The following GFOD2 variants were observed in gnomAD, a reference collection of about 807,000 sequenced individuals.
GFOD2 encodes Gfo/Idh/MocA-like oxidoreductase domain containing 2.
In GFOD2, 9 loss-of-function variants were observed where a neutral mutation model predicts 24.6. The ratio of observed to expected loss-of-function variants is 0.37; its 90% CI spans 0.22 to 0.64. GFOD2 has a LOEUF of 0.64. Ranked by LOEUF, GFOD2 falls within the 30% of genes least tolerant of loss-of-function variation. The pLI is 0.65. For missense variants in GFOD2, 476 were observed against 532.5 expected (o/e 0.89, Z 1.04); for synonymous variants, 211 against 224.8 (o/e 0.94, Z 0.55).
Position 67,675,187 on chromosome 16 carries a change from G to T in GFOD2, c.1126C>A (p.Leu376Met). ...TTGTTCCGCTGAAGTGCCTCACACA[G>T]GTTCTGGTTGGTGTCGGGCTCCTCC... is the stretch of plus-strand genomic sequence containing the variant. ...LTEEPDTNQN[L>M]CEALQRNNL Residue 376 changes from leucine to methionine, a missense_variant, in exon 3 of 3, where the codon CTG becomes ATG. Leu to Met is a conservative substitution (Grantham distance 15, BLOSUM62 2). Transcript: ENST00000268797. 4 of 1,613,926 alleles carry T rather than the reference G, an allele frequency of 2.5e-6. No individual in the cohort carries two copies. The highest frequency in any genetic ancestry group is 3.4e-6 in the Non-Finnish European group (4 of 1,179,958).
intron 1 of GFOD2, among the ~76,000 whole-genome samples, chr16:67,702,412 T>TGCAGTGA (rs1403837484): frequency 1.3e-5 from 2 of 151,570 alleles, no homozygotes; most frequent in Non-Finnish European, 2.9e-5. Flanking sequence ...AGGCAGAGGT[T>TGCAGTGA]GCAGTGAACA....
intron 1 of GFOD2, among the ~76,000 whole-genome samples, chr16:67,690,389 T>C (rs896505392): frequency 1.3e-5 from 2 of 151,244 alleles, no homozygotes; most frequent in African/African-American, 4.8e-5. Context: ...GAGGTGACCA[T>C]TATTCACTAT....
chr16:67,710,151 G>A (rs1361329104), intron 1 of GFOD2, among the ~76,000 whole-genome samples: 1 of 151,522 alleles, frequency 6.6e-6, no homozygotes, highest in Non-Finnish European at 1.5e-5. Flanking sequence ...TTAGAGACAG[G>A]GTCTTGCTCT....
intron 2 of GFOD2, chr16:67,682,815 T>C: frequency 1.0e-6 from 1 of 985,444 alleles, no homozygotes; most frequent in South Asian, 4.7e-5. Context: ...CATTCCTTAA[T>C]GCTCCTGGGC....
chr16:67,685,434 C>G (rs1241660963), intron 2 of GFOD2, 23 bp downstream of exon 2: 17 of 1,613,934 alleles, frequency 1.1e-5, no homozygotes, highest in Non-Finnish European at 1.4e-5. Context: ...TGATCTGCCC[C>G]TGCTGTGGCC....
At chr16:67,687,959 T>C (rs1429195899) in intron 1 of GFOD2, among the ~76,000 whole-genome samples, 1 of 152,070 alleles carries the variant, frequency 6.6e-6, no homozygotes, top group Non-Finnish European at 1.5e-5. Flanking sequence ...GCCTGGGCAA[T>C]AGAGTGAGAC....
chr16:67,680,909 T>G, intron 2 of GFOD2: 1 of 985,460 alleles, frequency 1.0e-6, no homozygotes, highest in South Asian at 4.7e-5. Context: ...TAAAAGAAGC[T>G]TTACAACAGG....
At chr16:67,714,378 C>G (rs1237680712) in intron 1 of GFOD2, among the ~76,000 whole-genome samples, 1 of 150,568 alleles carries the variant, frequency 6.6e-6, no homozygotes, top group Non-Finnish European at 1.5e-5. Context: ...ACTCGGGAGG[C>G]TGAGGCACAA....
At position 67,675,922 on chromosome 16, in the gene GFOD2, C is replaced by G. The variant is rs766991070; in HGVS notation, c.391G>C (p.Val131Leu). Residue 131 changes from valine (V) to leucine (L), a missense_variant, in exon 3 of 3, where the codon GTG (valine) becomes CTG (leucine). Coordinates refer to ENST00000268797, the MANE Select transcript of GFOD2 (RefSeq NM_030819.4). ...GNVLRFLPAF[V>L]RMKQLISEHY... ...TCCGAAATCAGCTGTTTCATGCGCA[C>G]GAAGGCAGGCAGGAAGCGCAGCACG... 1 of 1,614,212 alleles carries G rather than the reference C, an allele frequency of 6.2e-7. No individual in the cohort carries two copies. The highest frequency in any genetic ancestry group is 1.7e-5 in the Admixed American group (1 of 60,024).
At chr16:67,697,521 A>T (rs2053367396) in intron 1 of GFOD2, among the ~76,000 whole-genome samples, 1 of 152,170 alleles carries the variant, frequency 6.6e-6, no homozygotes, top group African/African-American at 2.4e-5. Flanking sequence ...CAGATAAGAA[A>T]ACATGCTCAA....
At chr16:67,705,517 G>T (rs532496334) in intron 1 of GFOD2, among the ~76,000 whole-genome samples, 2 of 152,214 alleles carry the variant, frequency 1.3e-5, no homozygotes, top group Admixed American at 1.3e-4. Flanking sequence ...CTACCTACAG[G>T]TTTTTTCAAG....
chr16:67,714,509 T>G (rs2053495390), intron 1 of GFOD2, among the ~76,000 whole-genome samples: 1 of 149,472 alleles, frequency 6.7e-6, no homozygotes, highest in Non-Finnish European at 1.5e-5. Flanking sequence ...GATCCAGAAA[T>G]TACACGATTT....
intron 1 of GFOD2, among the ~76,000 whole-genome samples, chr16:67,693,675 C>G (rs756962176): frequency 6.6e-5 from 10 of 152,150 alleles, no homozygotes; most frequent in Non-Finnish European, 1.2e-4. Context: ...TATTGTGCAA[C>G]CATCACCAAC....
At chr16:67,695,416 G>T (rs989641970) in intron 1 of GFOD2, among the ~76,000 whole-genome samples, 1 of 149,680 alleles carries the variant, frequency 6.7e-6, no homozygotes, top group African/African-American at 2.5e-5. Flanking sequence ...GACTCCCTTC[G>T]GCTATTTGGT....
chr16:67,695,963 G>C (rs1268538880), intron 1 of GFOD2, among the ~76,000 whole-genome samples: 1 of 151,570 alleles, frequency 6.6e-6, no homozygotes, highest in Non-Finnish European at 1.5e-5. Flanking sequence ...TCTCACCCTA[G>C]TTGTATTTGG....
intron 2 of GFOD2, chr16:67,677,669 T>C (rs989787537): frequency 6.6e-6 from 1 of 151,966 alleles, no homozygotes; most frequent in Non-Finnish European, 1.5e-5. Context: ...AAGGCAGGGG[T>C]GGGTTAGGAA....
chr16:67,679,909 C>T (rs902047194), intron 2 of GFOD2, among the ~76,000 whole-genome samples: 2 of 150,836 alleles, frequency 1.3e-5, no homozygotes, highest in African/African-American at 4.9e-5. Context: ...ACAACAACAA[C>T]AACAAAAAAA....
rs1034854930 is a variant in GFOD2 at position 67,682,579 on chromosome 16, T to C, written c.259+2878A>G. The C allele has an allele frequency of 4.1e-6, 4 of 985,186 alleles. No individual in the cohort carries two copies. The African/African-American group carries it at 7.0e-5, about 17-fold the overall frequency. The allele number at this position is 985,186 out of a possible 1,614,324, so 61.0% of individuals were successfully genotyped here. ...TAAGGATGAAATCGGAGGTAGAAGA[T>C]GAAGAACATAGGTCAGACCAAAGCA... On this transcript the variant is annotated intron_variant, in intron 2 of 2. Transcript: ENST00000268797.
intron 1 of GFOD2, among the ~76,000 whole-genome samples, chr16:67,706,229 G>A (rs1201146663): frequency 2.0e-5 from 3 of 151,846 alleles, no homozygotes; most frequent in Non-Finnish European, 4.4e-5. Context: ...TGCCTGCCTC[G>A]GCCTCCCAAA....
Sources: allele counts gnomAD v4.1 joint callset (sites outside exome capture counted in the v4.1 genomes callset), GRCh38; gene constraint gnomAD v4.1.1; transcripts MANE v1.5; gene names NCBI Gene and HGNC (gene_info 2026-07-23, HGNC 2026-07-21).